DACH2: variants seen among roughly 807,000 people sequenced by gnomAD.
DACH2 encodes dachshund homolog 2.
DACH2 carries 17 observed loss-of-function variants against 35.8 expected under a neutral mutation model. The observed-to-expected ratio is 0.48, with a 90% CI of 0.33 to 0.71. The LOEUF (loss-of-function observed/expected upper bound fraction) is 0.71, where lower values mean the gene tolerates loss of function less well. DACH2 is among the 30% of genes least tolerant of loss of function. DACH2 has a pLI of 0.02. For synonymous variants in DACH2, 195 were observed against 177.3 expected, an observed-to-expected ratio of 1.10 and a Z score of -0.79; for missense variants, 469 against 472.7, an observed-to-expected ratio of 0.99 and a Z score of 0.07.
intron 3 of DACH2, among the ~76,000 whole-genome samples, chrX:86,610,278 G>A (rs190016475): frequency 9.0e-6 from 1 of 111,187 alleles, no homozygotes; most frequent in African/African-American, 3.3e-5. Context: ...AATAATGACA[G>A]TGTACTCTTA....
chrX:86,504,683 T>A (rs2038298964), intron 2 of DACH2, among the ~76,000 whole-genome samples: 1 of 111,092 alleles, frequency 9.0e-6, no homozygotes, highest in Non-Finnish European at 1.9e-5. Context: ...CCATGGCAAC[T>A]TTAAAGATCT....
chrX:86,310,132 G>A (rs2034768271), intron 1 of DACH2, among the ~76,000 whole-genome samples: 1 of 112,140 alleles, frequency 8.9e-6, no homozygotes, highest in Admixed American at 9.4e-5. Context: ...CTGGGCTTTG[G>A]TGGAAACTGA....
intron 1 of DACH2, among the ~76,000 whole-genome samples, chrX:86,355,338 T>C (rs1357638073): frequency 8.9e-6 from 1 of 111,885 alleles, no homozygotes; most frequent in Non-Finnish European, 1.9e-5. Flanking sequence ...TATATGTCTT[T>C]ATGGTAGAAT....
intron 3 of DACH2, among the ~76,000 whole-genome samples, chrX:86,618,914 T>C (rs1347622979): frequency 8.9e-6 from 1 of 112,098 alleles, no homozygotes; most frequent in African/African-American, 3.2e-5. Flanking sequence ...CACACTAGAA[T>C]TGGCTCTTAC....
At chrX:86,667,907 G>GC (rs1556364551) in intron 4 of DACH2, among the ~76,000 whole-genome samples, 3 of 111,738 alleles carry the variant, frequency 2.7e-5, no homozygotes, top group African/African-American at 9.7e-5. Flanking sequence ...TAAATAAAGT[G>GC]AAAAAAATGT....
intron 1 of DACH2, among the ~76,000 whole-genome samples, chrX:86,152,295 T>TAG (rs2030393464): frequency 9.0e-6 from 1 of 111,104 alleles, no homozygotes; most frequent in South Asian, 3.9e-4. Context: ...TTTGGAATGC[T>TAG]TTCTGTGCTA....
chrX:86,421,441 T>C (rs1401902209), intron 2 of DACH2, among the ~76,000 whole-genome samples: 1 of 111,302 alleles, frequency 9.0e-6, no homozygotes, highest in Non-Finnish European at 1.9e-5. Context: ...AGGCAACTCA[T>C]TTGAGTGGTA....
intron 1 of DACH2, among the ~76,000 whole-genome samples, chrX:86,354,024 G>A (rs181104538): frequency 0.01 from 450 of 43,415 alleles, 159 homozygotes; most frequent in African/African-American, 0.044. Context: ...AATCAGACGT[G>A]TCTCAAAAGA....
At chrX:86,708,915 T>A (rs1404226501) in intron 5 of DACH2, among the ~76,000 whole-genome samples, 1 of 111,250 alleles carries the variant, frequency 9.0e-6, no homozygotes, top group Non-Finnish European at 1.9e-5. Flanking sequence ...AATATATAAA[T>A]AAATGGAGAG....
chrX:86,557,068 G>T (rs1004341181), intron 3 of DACH2, among the ~76,000 whole-genome samples: 27 of 108,999 alleles, frequency 2.5e-4, no homozygotes, highest in African/African-American at 9.0e-4. Flanking sequence ...AAGAGTTCAG[G>T]TACCTGAGGG....
intron 1 of DACH2, among the ~76,000 whole-genome samples, chrX:86,347,411 A>G (rs113677425): frequency 1.1e-3 from 16 of 13,941 alleles, no homozygotes; most frequent in Non-Finnish European, 1.5e-3. Flanking sequence ...GCAAAAGCGC[A>G]CACACACACA....
intron 1 of DACH2, among the ~76,000 whole-genome samples, chrX:86,332,347 G>T (rs2035228750): frequency 9.0e-6 from 1 of 110,984 alleles, no homozygotes; most frequent in Non-Finnish European, 1.9e-5. Context: ...TCATAATTGT[G>T]GCCTCCGACT....
chrX:86,331,339 C>T (rs12845469), intron 1 of DACH2, among the ~76,000 whole-genome samples: 163 of 111,079 alleles, frequency 1.5e-3, no homozygotes, highest in Non-Finnish European at 2.6e-3. Context: ...GACACCTGGG[C>T]TTTAAAATAA....
chrX:86,294,963 C>A (rs1414258578), intron 1 of DACH2, among the ~76,000 whole-genome samples: 1 of 112,174 alleles, frequency 8.9e-6, no homozygotes, highest in Non-Finnish European at 1.9e-5. Flanking sequence ...TTCGAGCTTC[C>A]TGGCTGCTTT....
intron 1 of DACH2, among the ~76,000 whole-genome samples, chrX:86,291,498 G>T (rs2034293178): frequency 9.5e-6 from 1 of 105,501 alleles, no homozygotes. Context: ...TCCCTGTCTT[G>T]TGCCAGTTTT....
At chrX:86,399,464 T>G (rs2036375414) in intron 2 of DACH2, among the ~76,000 whole-genome samples, 1 of 111,906 alleles carries the variant, frequency 8.9e-6, no homozygotes, top group Non-Finnish European at 1.9e-5. Flanking sequence ...TTGATGCAGT[T>G]TCTTCCTAGC....
At chrX:86,750,986 T>G (rs1348983217) in intron 7 of DACH2, among the ~76,000 whole-genome samples, 3 of 111,449 alleles carry the variant, frequency 2.7e-5, no homozygotes, top group Non-Finnish European at 5.7e-5. Flanking sequence ...TATGGCTATT[T>G]TATGTTTTAA....
intron 3 of DACH2, among the ~76,000 whole-genome samples, chrX:86,549,685 G>T (rs1424826560): frequency 1.8e-5 from 2 of 110,746 alleles, no homozygotes; most frequent in Non-Finnish European, 3.8e-5. Flanking sequence ...AAAGTATAGT[G>T]AAAATGTAGT....
chrX:86,366,772 G>A (rs940350658), intron 1 of DACH2, among the ~76,000 whole-genome samples: 3 of 109,831 alleles, frequency 2.7e-5, no homozygotes, highest in Non-Finnish European at 5.7e-5. Context: ...TTTGGTTGTT[G>A]AGAAGAGTCT....
Sources: gnomAD v4.1 joint callset for allele counts (sites outside exome capture counted in the v4.1 genomes callset) on GRCh38, gnomAD v4.1.1 for gene constraint, MANE v1.5 for transcripts, NCBI Gene and HGNC (gene_info 2026-07-23, HGNC 2026-07-21) for gene names.